Variants in KCNN3 observed in about 807,000 individuals in gnomAD.
KCNN3 encodes potassium calcium-activated channel subfamily N member 3.
In KCNN3, 16 loss-of-function variants were observed where a neutral mutation model predicts 62.9. The observed-to-expected ratio is 0.25, with a 90% CI of 0.17 to 0.39. The LOEUF is 0.39. Ranked by LOEUF, KCNN3 falls within the 10% of genes least tolerant of loss-of-function variation. The pLI, the probability that KCNN3 is intolerant of heterozygous loss-of-function variation, is 1.00. For missense variants in KCNN3, 599 were observed against 949.4 expected (o/e 0.63, Z 4.85); for synonymous variants, 370 against 389.2 (o/e 0.95, Z 0.58).
chr1:154,699,622 G>A lies in KCNN3; in HGVS notation c.*8354C>T, dbSNP rs1406093439. On this transcript the variant is annotated 3_prime_UTR_variant, in exon 8 of 8. Transcript: ENST00000271915. ...CGTCTTTCCTTGCCCACCTTGGAGTGTTTCTTGTTGGTGCAATGAGTAAGA... is the reference window on the plus strand; with the variant it reads ...CGTCTTTCCTTGCCCACCTTGGAGTATTTCTTGTTGGTGCAATGAGTAAGA... 1.3e-5 allele frequency: 2 copies of A among 152,186 alleles called. No homozygotes were observed. Among genetic ancestry groups the A allele is most frequent in the African/African-American group, 4.8e-5 (2 of 41,454 alleles). The allele number at this position is 152,186 out of a possible 1,614,324, so 9.4% of individuals were successfully genotyped here. A position where few individuals can be genotyped will look rare whatever the true frequency, so the allele number is the denominator to read the frequency against.
chr1:154,823,149 C>T (rs187550922), intron 1 of KCNN3, among the ~76,000 whole-genome samples: 107 of 152,354 alleles, frequency 7.0e-4, no homozygotes, highest in African/African-American at 1.6e-3. Context: ...ATTTACTTTG[C>T]ATCCTCTACA....
chr1:154,726,342 T>G (rs918089707), intron 4 of KCNN3, among the ~76,000 whole-genome samples: 5 of 152,098 alleles, frequency 3.3e-5, no homozygotes, highest in Non-Finnish European at 7.4e-5. Context: ...AACCAACAAC[T>G]AAGCACCTGG....
chr1:154,737,685 A>C (rs559142447), intron 3 of KCNN3, among the ~76,000 whole-genome samples: 85 of 152,278 alleles, frequency 5.6e-4, no homozygotes, highest in Middle Eastern at 3.4e-3. Context: ...GTATGAAAAA[A>C]GTCTTCCTAG....
At chr1:154,749,545 G>T (rs1161643535) in intron 3 of KCNN3, among the ~76,000 whole-genome samples, 1 of 152,232 alleles carries the variant, frequency 6.6e-6, no homozygotes. Context: ...AGGGCAGGAC[G>T]TGGGAGCTCT....
chr1:154,801,789 C>T (rs1039198827), intron 2 of KCNN3, among the ~76,000 whole-genome samples: 2 of 152,124 alleles, frequency 1.3e-5, no homozygotes, highest in Admixed American at 6.5e-5. Context: ...GAAGAGCTGA[C>T]ACCCCCGGAG....
intron 2 of KCNN3, among the ~76,000 whole-genome samples, chr1:154,812,432 C>T (rs1321373684): frequency 2.6e-5 from 4 of 151,984 alleles, no homozygotes; most frequent in Admixed American, 6.6e-5. Context: ...CAACAGGCCC[C>T]GGTGTGTGAT....
At position 154,822,156 on chromosome 1, in the gene KCNN3, C is replaced by T. The variant is rs757374968; in HGVS notation, c.962G>A (p.Cys321Tyr). ...KDSMFSLALK[C>Y]LISLSTIILL... The stretch of plus-strand genomic sequence containing the variant: ...GATGATGGTGGACAGACTGATAAGG[C>T]ATTTCAGGGCCAACGAAAACATGGA... The change falls in exon 2 of 8, where the codon TGC (cysteine) becomes TAC (tyrosine). Residue 321 changes from cysteine (C) to tyrosine (Y), a missense_variant. Transcript: ENST00000271915. 1.9e-6 allele frequency: 3 copies of T among 1,613,956 alleles called. No individual in the cohort carries two copies. The highest frequency in any genetic ancestry group is 2.5e-6 in the Non-Finnish European group (3 of 1,179,858).
At chr1:154,773,852 A>G (rs921187503) in intron 2 of KCNN3, among the ~76,000 whole-genome samples, 3 of 152,236 alleles carry the variant, frequency 2.0e-5, no homozygotes, top group African/African-American at 7.2e-5. Flanking sequence ...TGTTTCCTGC[A>G]TGAGTGAACT....
Position 154,697,793 on chromosome 1 carries a change from G to A in KCNN3, c.*10183C>T, listed in dbSNP as rs1699770224. The A allele has an allele frequency of 1.3e-5, 2 of 152,194 alleles. No homozygotes were observed. Among genetic ancestry groups the A allele is most frequent in the African/African-American group, 4.8e-5 (2 of 41,434 alleles). 9.4% of individuals were successfully genotyped at this position (152,194 alleles called of 1,614,324 possible). A position where few individuals can be genotyped will look rare whatever the true frequency, so the allele number is the denominator to read the frequency against. On this transcript the variant is annotated 3_prime_UTR_variant, in exon 8 of 8. Transcript: ENST00000271915. ...CCAGCAGTAGAACTGAAGCCTGTAA[G>A]TTTTCATTCACTCCTAAAGTGTGCT...
intron 7 of KCNN3, among the ~76,000 whole-genome samples, chr1:154,709,865 G>A (rs972450599): frequency 6.6e-5 from 10 of 152,222 alleles, no homozygotes; most frequent in African/African-American, 2.4e-4. Context: ...TCTGGACTCA[G>A]AGTCCAGGCC....
intron 2 of KCNN3, among the ~76,000 whole-genome samples, chr1:154,807,592 G>T (rs1650228746): frequency 6.6e-6 from 1 of 152,216 alleles, no homozygotes; most frequent in Admixed American, 6.5e-5. Context: ...CCTGCCTGGG[G>T]GAGAAGCTAA....
rs1557938510 is a variant in KCNN3 at position 154,714,548 on chromosome 1, GT to G, written c.1829+327del. Reference sequence around the variant, plus strand: ...TTTGTGTGTGGTGTGTGTGGGGTGTGTGTGTGTGGTGTGTGTGTGGTGTGTG... The same window carrying G: ...TTTGTGTGTGGTGTGTGTGGGGTGTGGTGTGTGGTGTGTGTGTGGTGTGTG... On this transcript the variant is annotated intron_variant, in intron 6 of 7. Coordinates refer to ENST00000271915, the MANE Select transcript of KCNN3 (RefSeq NM_002249.6). 1.7e-4 allele frequency among the ~76,000 whole-genome samples: 16 copies of G among 93,868 alleles called. 1 individual carries two copies. The highest frequency in any genetic ancestry group is 7.4e-4 in the African/African-American group (16 of 21,654). The allele number at this position is 93,868 out of a possible 152,430, so 61.6% of individuals were successfully genotyped here.
At position 154,725,994 on chromosome 1, in the gene KCNN3, C is replaced by G. The variant is rs1241117849; in HGVS notation, c.1623G>C (p.Val541=). The G allele has an allele frequency of 2.5e-6, 4 of 1,614,042 alleles. No individual in the cohort carries two copies. The highest frequency in any genetic ancestry group is 3.4e-6 in the Non-Finnish European group (4 of 1,180,006). The change falls in exon 5 of 8, where the codon GTG becomes GTC. Residue 541 remains valine (V), a synonymous_variant. Coordinates refer to ENST00000271915, the MANE Select transcript of KCNN3 (RefSeq NM_002249.6). Reference sequence around the variant, plus strand: ...TGGTGAGTTCCAGCTTTCGGGCCACCACGGCCACCACAAGGGCAGTGCAGC... The same window carrying G: ...TGGTGAGTTCCAGCTTTCGGGCCACGACGGCCACCACAAGGGCAGTGCAGC... ...GAGCTALVVA[V]VARKLELTKA... is the part of the protein sequence containing the mutation.
intron 3 of KCNN3, among the ~76,000 whole-genome samples, chr1:154,768,184 T>A (rs991303724): frequency 1.3e-5 from 2 of 152,188 alleles, no homozygotes; most frequent in Non-Finnish European, 2.9e-5. Context: ...AGGCATCCTG[T>A]CCACACTACC....
At chr1:154,711,685 T>C (rs969083608) in intron 7 of KCNN3, among the ~76,000 whole-genome samples, 1 of 152,128 alleles carries the variant, frequency 6.6e-6, no homozygotes, top group African/African-American at 2.4e-5. Context: ...GTTTGCTCCA[T>C]ATGACCCTCT....
chr1:154,801,481 G>A, intron 2 of KCNN3, among the ~76,000 whole-genome samples: 1 of 152,144 alleles, frequency 6.6e-6, no homozygotes, highest in East Asian at 1.9e-4. Flanking sequence ...TTCCCCAAGA[G>A]CCTACGCCAA....
At chr1:154,863,113 G>A (rs929431050) in intron 1 of KCNN3, among the ~76,000 whole-genome samples, 9 of 152,050 alleles carry the variant, frequency 5.9e-5, no homozygotes, top group Admixed American at 2.0e-4. Context: ...GCAACATCCC[G>A]GCCAGCCCAG....
At position 154,705,567 on chromosome 1, in the gene KCNN3, A is replaced by T. The variant is rs2101751301; in HGVS notation, c.*2409T>A. The T allele has an allele frequency of 6.6e-6, 1 of 152,286 alleles. No individual in the cohort carries two copies. The highest frequency in any genetic ancestry group is 1.5e-5 in the Non-Finnish European group (1 of 68,010). The allele number at this position is 152,286 out of a possible 1,614,324, so 9.4% of individuals were successfully genotyped here. A position where few individuals can be genotyped will look rare whatever the true frequency, so the allele number is the denominator to read the frequency against. ...GTTGCTAGTTTGGTCTTTAGGGTTT[A>T]CCTAAGTGAGAGCATCAATGATGGG... On this transcript the variant is annotated 3_prime_UTR_variant, in exon 8 of 8. Transcript: ENST00000271915.
chr1:154,722,085 A>C lies in KCNN3; in HGVS notation c.1701+3831T>G, dbSNP rs1284689725. Among the ~76,000 whole-genome samples the C allele has an allele frequency of 2.0e-5, 3 of 152,028 alleles. No homozygotes were observed. In the East Asian group the frequency reaches 5.8e-4, roughly 29 times the overall value. ...CCTCTTCCCTCCCTACAAACAAATA[A>C]ATAAAAATAGTGCTGGCTCTCATGG... On this transcript the variant is annotated intron_variant, in intron 5 of 7. Transcript: ENST00000271915.
Sources: allele counts gnomAD v4.1 joint callset (sites outside exome capture counted in the v4.1 genomes callset), GRCh38; gene constraint gnomAD v4.1.1; transcripts MANE v1.5; gene names NCBI Gene and HGNC (gene_info 2026-07-23, HGNC 2026-07-21).